PDE6C: variants seen among roughly 807,000 people sequenced by gnomAD.
PDE6C encodes cone cGMP-specific 3',5'-cyclic phosphodiesterase subunit alpha'.
Under a neutral mutation model 113.1 loss-of-function variants are expected in PDE6C, and 75 were observed. The ratio of observed to expected loss-of-function variants is 0.66; its 90% CI spans 0.55 to 0.80. The LOEUF (loss-of-function observed/expected upper bound fraction) is 0.80, where lower values mean the gene tolerates loss of function less well. PDE6C is among the 30% of genes least tolerant of loss of function. The pLI, the probability that PDE6C is intolerant of heterozygous loss-of-function variation, is 0.00. For synonymous variants in PDE6C, 375 were observed against 363.7 expected, an observed-to-expected ratio of 1.03 and a Z score of -0.35; for missense variants, 912 against 1,038.6, an observed-to-expected ratio of 0.88 and a Z score of 1.67.
At chr10:93,662,906 T>G in intron 20 of PDE6C, 122 bp from the exon 21 acceptor site, 1 of 900,316 alleles carries the variant, frequency 1.1e-6, no homozygotes, top group Non-Finnish European at 1.8e-6. Flanking sequence ...AGGCCCGTGG[T>G]TAAACTTATC....
intron 1 of PDE6C, among the ~76,000 whole-genome samples, chr10:93,619,212 C>A (rs776628649): frequency 1.2e-4 from 19 of 152,214 alleles, no homozygotes; most frequent in Non-Finnish European, 2.4e-4. Context: ...TCTGCTATGG[C>A]CAGTGGATTA....
At position 93,663,113 on chromosome 10, in the gene PDE6C, A is replaced by C; in HGVS notation, c.2453A>C (p.Glu818Ala). ...GTAGAATGGAAATCACTAGCTGATGAGTATGATGCAAAGATGAAGGTCATT... is the reference window on the plus strand; with the variant it reads ...GTAGAATGGAAATCACTAGCTGATGCGTATGATGCAAAGATGAAGGTCATT... ...NRVEWKSLAD[E>A]YDAKMKVIEE... is the part of the protein sequence containing the mutation. The change falls in exon 21 of 22, where the codon GAG becomes GCG. Residue 818 changes from glutamate to alanine, a missense_variant. Physicochemically the swap from Glu to Ala is moderately radical, Grantham distance 107. Transcript: ENST00000371447. The C allele has an allele frequency of 1.2e-6, 2 of 1,613,646 alleles. No homozygotes were observed. Among genetic ancestry groups the C allele is most frequent in the Non-Finnish European group, 1.7e-6 (2 of 1,179,722 alleles).
chr10:93,618,267 A>C (rs2058429504), intron 1 of PDE6C, among the ~76,000 whole-genome samples: 2 of 152,114 alleles, frequency 1.3e-5, no homozygotes, highest in Non-Finnish European at 1.5e-5. Context: ...TACTTACTGA[A>C]TACTATGTGC....
chr10:93,631,058 G>C (rs716332), intron 8 of PDE6C, among the ~76,000 whole-genome samples: 31,462 of 152,196 alleles, frequency 0.21, 3,760 homozygotes, highest in East Asian at 0.36. Context: ...GAGAATGCAG[G>C]CTGCTCTGAA....
chr10:93,634,976 G>A (rs546868845), intron 9 of PDE6C, 69 bp downstream of exon 9: 4 of 1,505,102 alleles, frequency 2.7e-6, no homozygotes, highest in East Asian at 4.6e-5. Context: ...GTAATTATTT[G>A]TTATTCTGGA....
chr10:93,637,459 CT>C (rs2058538899), intron 11 of PDE6C, among the ~76,000 whole-genome samples: 2 of 152,134 alleles, frequency 1.3e-5, no homozygotes, highest in African/African-American at 4.8e-5. Context: ...CCATTTCTAG[CT>C]TCTCTTCTGG....
At chr10:93,625,696 T>G in intron 5 of PDE6C, 47 bp downstream of exon 5, 1 of 1,369,758 alleles carries the variant, frequency 7.3e-7, no homozygotes, top group Non-Finnish European at 1.0e-6. Context: ...TGGTGTCAGG[T>G]GCTAAAATTA....
chr10:93,660,467 GAGGGCACCTCTTGAATGA>G (rs1388863196), intron 18 of PDE6C, among the ~76,000 whole-genome samples: 1 of 152,128 alleles, frequency 6.6e-6, no homozygotes, highest in Non-Finnish European at 1.5e-5. Context: ...CAGGAATAGG[GAGGGCACCTCTTGAATGA>G]AGGTCTTATG....
At chr10:93,635,383 G>A in intron 9 of PDE6C, 114 bp from the exon 10 acceptor site, 1 of 798,750 alleles carries the variant, frequency 1.3e-6, no homozygotes, top group Non-Finnish European at 2.2e-6. Flanking sequence ...TTAAAAGAAG[G>A]AATGGGGTGG....
At chr10:93,635,349 G>T in intron 9 of PDE6C, 148 bp from the exon 10 acceptor site, 2 of 659,592 alleles carry the variant, frequency 3.0e-6, no homozygotes, top group Non-Finnish European at 5.3e-6. Context: ...GTCTGAAGCT[G>T]ATTATTAGTA....
At chr10:93,659,236 C>T in intron 18 of PDE6C, 69 bp downstream of exon 18, 2 of 1,074,030 alleles carry the variant, frequency 1.9e-6, no homozygotes, top group South Asian at 1.3e-5. Context: ...TAAATGTCCA[C>T]CTAAAGATCT....
At position 93,662,581 on chromosome 10, in the gene PDE6C, A is replaced by G. The variant is rs1564806790; in HGVS notation, c.2305A>G (p.Arg769Gly). 6.6e-7 allele frequency: 1 copy of G among 1,507,424 alleles called. No homozygotes were observed. The highest frequency in any genetic ancestry group is 9.2e-7 in the Non-Finnish European group (1 of 1,082,768). 93.4% of individuals were successfully genotyped at this position (1,507,424 alleles called of 1,614,324 possible). ...QPIPMMDRNK[R>G]DELPKLQVGF... ...CTAGCCTATGATGGACAGAAACAAA[A>G]GAGATGAATTACCTAAACTTCAAGT... Residue 769 changes from arginine (R) to glycine (G), a missense_variant, in exon 20 of 22, where the codon AGA (arginine) becomes GGA (glycine). By Grantham distance (125) the Arg-to-Gly change is moderately radical. Transcript: ENST00000371447.
chr10:93,630,777 T>C (rs1386372673), intron 8 of PDE6C, among the ~76,000 whole-genome samples: 1 of 152,178 alleles, frequency 6.6e-6, no homozygotes, highest in Non-Finnish European at 1.5e-5. Context: ...GGGAAAGCTG[T>C]ACACACTTGC....
chr10:93,665,322 C>G (rs1203088822), intron 21 of PDE6C, 38 bp from the exon 22 acceptor site: 1 of 1,479,514 alleles, frequency 6.8e-7, no homozygotes, highest in Admixed American at 1.7e-5. Context: ...TGTATATCCA[C>G]TAACTCCTAA....
chr10:93,644,352 T>C (rs894178336), intron 14 of PDE6C, among the ~76,000 whole-genome samples: 35 of 152,170 alleles, frequency 2.3e-4, no homozygotes, highest in African/African-American at 8.4e-4. Flanking sequence ...TTTTTAAACC[T>C]AAAGGAATTA....
intron 8 of PDE6C, among the ~76,000 whole-genome samples, chr10:93,630,261 T>C: frequency 6.6e-6 from 1 of 152,094 alleles, no homozygotes; most frequent in East Asian, 1.9e-4. Context: ...CTACTCTACC[T>C]GACCCACTTC....
intron 21 of PDE6C, 138 bp downstream of exon 21, chr10:93,663,316 C>A: frequency 1.2e-6 from 1 of 852,602 alleles, no homozygotes; most frequent in Non-Finnish European, 1.9e-6. Flanking sequence ...TTTAACAGGC[C>A]GATTAGTGGT....
chr10:93,655,651 AAAC>A, intron 15 of PDE6C, 106 bp from the exon 16 acceptor site: 1 of 675,938 alleles, frequency 1.5e-6, no homozygotes, highest in Non-Finnish European at 2.7e-6. Flanking sequence ...AAAAAAAAAC[AAAC>A]AAAAAAGTGT....
intron 21 of PDE6C, 94 bp from the exon 22 acceptor site, chr10:93,665,266 C>T (rs2058684907): frequency 1.0e-6 from 1 of 955,798 alleles, no homozygotes; most frequent in Non-Finnish European, 1.7e-6. Flanking sequence ...ACTAATTAGT[C>T]TACAAAGTTG....
Sources: gnomAD v4.1 joint callset for allele counts (sites outside exome capture counted in the v4.1 genomes callset) on GRCh38, gnomAD v4.1.1 for gene constraint, MANE v1.5 for transcripts, NCBI Gene and HGNC (gene_info 2026-07-23, HGNC 2026-07-21) for gene names.